Variants in AMBRA1 observed in about 807,000 individuals in gnomAD.
AMBRA1 encodes autophagy and beclin 1 regulator 1.
AMBRA1 carries 47 observed loss-of-function variants against 125.4 expected under a neutral mutation model. The observed-to-expected ratio is 0.37, with a 90% CI of 0.30 to 0.48. The LOEUF (loss-of-function observed/expected upper bound fraction) is 0.48, where lower values mean the gene tolerates loss of function less well. Among genes scored for constraint, AMBRA1 ranks in the 20% least tolerant of loss-of-function variants. AMBRA1 has a pLI of 0.99. For synonymous variants in AMBRA1, 626 were observed against 655.5 expected (o/e 0.95, Z 0.69); for missense variants, 1,331 against 1,693.4 (o/e 0.79, Z 3.76).
chr11:46,503,621 A>C (rs972186183), intron 9 of AMBRA1, among the ~76,000 whole-genome samples: 2 of 152,368 alleles, frequency 1.3e-5, no homozygotes, highest in Non-Finnish European at 2.9e-5. Flanking sequence ...AGCGCAAAAA[A>C]AGCCAAGCAC....
At chr11:46,569,634 CTGAGCATAG>C (rs1474109892) in intron 1 of AMBRA1, among the ~76,000 whole-genome samples, 1 of 151,882 alleles carries the variant, frequency 6.6e-6, no homozygotes, top group Middle Eastern at 3.2e-3. Flanking sequence ...CAAGGTCTGC[CTGAGCATAG>C]TGGCTCATGG....
At chr11:46,408,382 GAGGAGGCTCTTAATGCCACC>G in intron 17 of AMBRA1, 111 bp downstream of exon 17, 3 of 969,654 alleles carry the variant, frequency 3.1e-6, no homozygotes, top group Non-Finnish European at 4.2e-6. Context: ...TGTCGCTGCT[GAGGAGGCTCTTAATGCCACC>G]AGGTGGGCAT....
chr11:46,439,063 G>A (rs546715069), intron 12 of AMBRA1, among the ~76,000 whole-genome samples: 1 of 152,016 alleles, frequency 6.6e-6, no homozygotes, highest in Non-Finnish European at 1.5e-5. Flanking sequence ...TTGAGGTCAG[G>A]AGCTCGAGAC....
intron 1 of AMBRA1, among the ~76,000 whole-genome samples, chr11:46,568,452 CAAAAACAAAAAACA>C (rs1191233437): frequency 5.3e-5 from 8 of 150,650 alleles, no homozygotes; most frequent in South Asian, 2.1e-4. Context: ...GAGAGAAACT[CAAAAACAAAAAACA>C]AAAAACAAAA....
At chr11:46,512,671 C>T (rs1216390682) in intron 8 of AMBRA1, 56 bp downstream of exon 8, 1 of 1,479,418 alleles carries the variant, frequency 6.8e-7, no homozygotes. Flanking sequence ...AACAGTGTGG[C>T]AACCCCAAGG....
At chr11:46,464,761 ACAAGG>A (rs1408791630) in intron 11 of AMBRA1, among the ~76,000 whole-genome samples, 9 of 151,842 alleles carry the variant, frequency 5.9e-5, no homozygotes, top group Admixed American at 1.3e-4. Context: ...AAACACCGAG[ACAAGG>A]CCGGGCGCAG....
intron 7 of AMBRA1, among the ~76,000 whole-genome samples, chr11:46,515,863 A>G (rs1450739733): frequency 6.6e-6 from 1 of 152,148 alleles, no homozygotes; most frequent in Non-Finnish European, 1.5e-5. Flanking sequence ...TTTAGTAGAG[A>G]TGGGGTTTCA....
At chr11:46,589,913 C>T (rs750227503) in intron 1 of AMBRA1, among the ~76,000 whole-genome samples, 1 of 151,748 alleles carries the variant, frequency 6.6e-6, no homozygotes, top group Non-Finnish European at 1.5e-5. Context: ...TGAGCCACCG[C>T]GCCCGGTCTA....
chr11:46,432,668 C>A (rs1403312173), intron 14 of AMBRA1, among the ~76,000 whole-genome samples: 1 of 152,200 alleles, frequency 6.6e-6, no homozygotes, highest in Non-Finnish European at 1.5e-5. Flanking sequence ...ACATACGCTA[C>A]ACAGCTAAAG....
intron 11 of AMBRA1, among the ~76,000 whole-genome samples, chr11:46,445,382 G>GACAA (rs113053306): frequency 0.012 from 1,775 of 152,162 alleles, 42 homozygotes; most frequent in African/African-American, 0.041. Context: ...TGCTGTCAGT[G>GACAA]AGTCCACTGA....
In AMBRA1 at chr11:46,418,024, G is replaced by A. The variant is rs1175906654; in HGVS notation, c.3005C>T (p.Pro1002Leu). 4.4e-6 allele frequency: 7 copies of A among 1,606,058 alleles called. No homozygotes were observed. The highest frequency in any genetic ancestry group is 1.7e-5 in the Admixed American group (1 of 59,750). The change falls in exon 15 of 18, where the codon CCT (proline) becomes CTT (leucine). Residue 1002 changes from proline (P) to leucine (L), a missense_variant. Physicochemically the swap from Pro to Leu is moderately conservative, Grantham distance 98 (BLOSUM62 -3). Around this residue, in one of 4 missense-constraint regions of AMBRA1, gnomAD observed 354 missense variants for 532.7 expected, o/e 0.66. Coordinates refer to ENST00000683756, the MANE Select transcript of AMBRA1 (RefSeq NM_001387011.1). Reference protein sequence around the residue: ...RRVFNVLYPMPADQRRHVSIN... With the variant: ...RRVFNVLYPMLADQRRHVSIN... Reference sequence around the variant, plus strand: ...ACTGACATGTCTCCGCTGGTCGGCAGGCATGGGATAAAGGACGTTGAAAAC... The same window carrying A: ...ACTGACATGTCTCCGCTGGTCGGCAAGCATGGGATAAAGGACGTTGAAAAC...
At position 46,461,172 on chromosome 11, in the gene AMBRA1, A is replaced by T. The variant is rs2136834622; in HGVS notation, c.2522-17574T>A. Among the ~76,000 whole-genome samples, 3 of 152,302 alleles carry T rather than the reference A, an allele frequency of 2.0e-5. No individual in the cohort carries two copies. The South Asian group carries it at 6.2e-4, about 32-fold the overall frequency. Reference sequence around the variant, plus strand: ...GTGGAAGGATCTCTTGAACCTGGAAAGTCAAGGCTGCAGTGAGCTGTGATC... The same window carrying T: ...GTGGAAGGATCTCTTGAACCTGGAATGTCAAGGCTGCAGTGAGCTGTGATC... On this transcript the variant is annotated intron_variant, in intron 11 of 17. Coordinates refer to ENST00000683756, the MANE Select transcript of AMBRA1 (RefSeq NM_001387011.1).
At chr11:46,575,668 C>T (rs2043938114) in intron 1 of AMBRA1, among the ~76,000 whole-genome samples, 1 of 151,912 alleles carries the variant, frequency 6.6e-6, no homozygotes. Flanking sequence ...AAGTGCACGC[C>T]ACCACGCCCA....
chr11:46,431,676 G>A (rs1256372846), intron 14 of AMBRA1, among the ~76,000 whole-genome samples: 3 of 152,322 alleles, frequency 2.0e-5, no homozygotes, highest in East Asian at 1.9e-4. Context: ...CAATTAGGCC[G>A]GAAGGGTTAG....
intron 9 of AMBRA1, among the ~76,000 whole-genome samples, chr11:46,500,627 C>T (rs527538702): frequency 3.3e-5 from 5 of 152,320 alleles, no homozygotes; most frequent in African/African-American, 1.2e-4. Flanking sequence ...TCTCTCATAT[C>T]ACAAACACTC....
At chr11:46,493,991 C>G in intron 10 of AMBRA1, 133 bp downstream of exon 10, 1 of 836,846 alleles carries the variant, frequency 1.2e-6, no homozygotes, top group Non-Finnish European at 1.9e-6. Context: ...AGAGTTTAGA[C>G]AGCAGGGCTG....
chr11:46,575,915 A>C (rs1464115280), intron 1 of AMBRA1, among the ~76,000 whole-genome samples: 1 of 152,180 alleles, frequency 6.6e-6, no homozygotes, highest in East Asian at 1.9e-4. Context: ...AAGAATTAAG[A>C]ATCCATTGCC....
rs1375030501 is a variant in AMBRA1 at position 46,547,505 on chromosome 11, T to C, written c.195-209A>G. On this transcript the variant is annotated intron_variant, in intron 3 of 17. Coordinates refer to ENST00000683756, the MANE Select transcript of AMBRA1 (RefSeq NM_001387011.1). ...GTCCACACTGTCCCCAAATGACACA[T>C]GCCACATTCGGAAAATATTTTTTCC... 8.8e-6 allele frequency: 5 copies of C among 568,974 alleles called. No homozygotes were observed. In the African/African-American group the frequency reaches 9.3e-5, roughly 11 times the overall value. The allele number at this position is 568,974 out of a possible 1,614,324, so 35.2% of individuals were successfully genotyped here.
In AMBRA1 at chr11:46,541,956, A is replaced by T. The variant is rs1565271250; in HGVS notation, c.2061T>A (p.Asp687Glu). 6.2e-7 allele frequency: 1 copy of T among 1,609,072 alleles called. No individual in the cohort carries two copies. The highest frequency in any genetic ancestry group is 8.5e-7 in the Non-Finnish European group (1 of 1,178,802). ...AAGCGACTGCTTACCTCCTGAGTGA[A>T]TCCTCCTCAGAGCTCTCCTCAGGCA... ...QDMPEESSEE[D>E]SLRRRLLESS... Residue 687 changes from aspartate (D) to glutamate (E), a missense_variant, in exon 7 of 18, where the codon GAT (aspartate) becomes GAA (glutamate). Around this residue, in one of 4 missense-constraint regions of AMBRA1, gnomAD observed 689 missense variants for 776.5 expected, o/e 0.89. Transcript: ENST00000683756.
Sources: gnomAD v4.1 joint callset for allele counts (sites outside exome capture counted in the v4.1 genomes callset) on GRCh38, gnomAD v4.1.1 for gene constraint, gnomAD v4.1.1 regional missense constraint, MANE v1.5 for transcripts, NCBI Gene and HGNC (gene_info 2026-07-23, HGNC 2026-07-21) for gene names.